Variants in ERG observed in about 807,000 individuals in gnomAD.
The protein encoded by ERG is transcriptional regulator ERG.
Under a neutral mutation model 55.3 loss-of-function variants are expected in ERG, and 9 were observed. The ratio of observed to expected loss-of-function variants is 0.16; its 90% CI spans 0.10 to 0.28. The LOEUF (loss-of-function observed/expected upper bound fraction) is 0.28, where lower values mean the gene tolerates loss of function less well. Among genes scored for constraint, ERG ranks in the 10% least tolerant of loss-of-function variants. The pLI is 1.00. For missense variants in ERG, 434 were observed against 631.6 expected (o/e 0.69, Z 3.35); for synonymous variants, 223 against 237.3 (o/e 0.94, Z 0.55).
intron 1 of ERG, among the ~76,000 whole-genome samples, chr21:38,637,922 A>G (rs2060400171): frequency 3.9e-5 from 6 of 152,196 alleles, no homozygotes; most frequent in Admixed American, 3.9e-4. Flanking sequence ...AGATAATAAA[A>G]GTAAGAAATC....
intron 1 of ERG, among the ~76,000 whole-genome samples, chr21:38,594,005 G>T (rs2060116655): frequency 6.6e-6 from 1 of 151,962 alleles, no homozygotes; most frequent in Non-Finnish European, 1.5e-5. Context: ...ATATCACATT[G>T]TTGACAAAAA....
intron 1 of ERG, among the ~76,000 whole-genome samples, chr21:38,651,209 G>T (rs6517474): frequency 6.6e-6 from 1 of 152,022 alleles, no homozygotes; most frequent in Non-Finnish European, 1.5e-5. Context: ...TGTAAAAACT[G>T]CAGATCTAGT....
chr21:38,486,210 G>A, intron 1 of ERG, among the ~76,000 whole-genome samples: 1 of 152,126 alleles, frequency 6.6e-6, no homozygotes, highest in East Asian at 1.9e-4. Flanking sequence ...TGGGATTACA[G>A]GTGTGAGCCA....
intron 1 of ERG, among the ~76,000 whole-genome samples, chr21:38,640,667 C>T (rs1188315955): frequency 6.6e-6 from 1 of 152,190 alleles, no homozygotes; most frequent in African/African-American, 2.4e-5. Flanking sequence ...GAGGCCTCCC[C>T]AGCCACGTGG....
intron 2 of ERG, among the ~76,000 whole-genome samples, chr21:38,532,201 A>G (rs2059677210): frequency 6.6e-6 from 1 of 152,210 alleles, no homozygotes; most frequent in African/African-American, 2.4e-5. Context: ...ACAACCAATA[A>G]TAATTGGGCA....
At chr21:38,645,838 G>A (rs1452991422) in intron 1 of ERG, among the ~76,000 whole-genome samples, 1 of 152,126 alleles carries the variant, frequency 6.6e-6, no homozygotes, top group African/African-American at 2.4e-5. Context: ...CTGTATAGCC[G>A]ACTTGTTGAT....
intron 2 of ERG, among the ~76,000 whole-genome samples, chr21:38,437,186 G>A (rs76153520): frequency 0.012 from 1,778 of 152,210 alleles, 40 homozygotes; most frequent in African/African-American, 0.041. Flanking sequence ...ACCTGCACCC[G>A]GCCAGCTTCA....
upstream of ERG, among the ~76,000 whole-genome samples, chr21:38,502,875 C>T (rs1472440769): frequency 9.3e-5 from 3 of 32,296 alleles, no homozygotes; most frequent in African/African-American, 6.9e-4. Flanking sequence ...TACAGGTGCC[C>T]GCCACCACCC....
rs369228332 is a variant in ERG at position 38,422,766 on chromosome 21, A to G, written c.388+644T>C. ...GGTAAAGAGTTACTCTGGTTATTAG[A>G]ATCTGTATTACAGGCCAGTGATAGC... On this transcript the variant is annotated intron_variant, in intron 3 of 9. Coordinates refer to ENST00000288319, the MANE Select transcript of ERG (RefSeq NM_182918.4). 9.2e-5 allele frequency among the ~76,000 whole-genome samples: 14 copies of G among 152,308 alleles called. No individual in the cohort carries two copies. The East Asian group carries it at 2.1e-3, about 23-fold the overall frequency.
At chr21:38,447,012 T>A (rs1209028153) in intron 1 of ERG, among the ~76,000 whole-genome samples, 1 of 151,956 alleles carries the variant, frequency 6.6e-6, no homozygotes, top group African/African-American at 2.4e-5. Context: ...GTGCTTCCCA[T>A]CAGTAATCAC....
intron 1 of ERG, among the ~76,000 whole-genome samples, chr21:38,605,586 C>T (rs1300264405): frequency 6.6e-6 from 1 of 152,142 alleles, no homozygotes; most frequent in Non-Finnish European, 1.5e-5. Flanking sequence ...CTAGCTGAAT[C>T]CACAGGAACC....
chr21:38,427,974 C>T (rs573324254), intron 2 of ERG, among the ~76,000 whole-genome samples: 1 of 152,126 alleles, frequency 6.6e-6, no homozygotes, highest in African/African-American at 2.4e-5. Flanking sequence ...ATTGTTTTAG[C>T]TCAGGAGTTC....
chr21:38,549,528 C>A (rs1039845693), intron 2 of ERG, among the ~76,000 whole-genome samples: 3 of 152,182 alleles, frequency 2.0e-5, no homozygotes, highest in Non-Finnish European at 2.9e-5. Flanking sequence ...CAGTAATGCA[C>A]AATGTCCTGA....
chr21:38,524,608 T>C (rs527411236), intron 2 of ERG, among the ~76,000 whole-genome samples: 33 of 152,308 alleles, frequency 2.2e-4, no homozygotes, highest in African/African-American at 7.0e-4. Flanking sequence ...ATTGCATGTT[T>C]AAAATATAAT....
At chr21:38,451,526 G>A (rs1268937831) in intron 1 of ERG, among the ~76,000 whole-genome samples, 1 of 152,138 alleles carries the variant, frequency 6.6e-6, no homozygotes, top group African/African-American at 2.4e-5. Context: ...TGCCACTTTG[G>A]GCGGCCTTTA....
intron 1 of ERG, among the ~76,000 whole-genome samples, chr21:38,638,581 A>G (rs463780): frequency 0.029 from 4,451 of 152,334 alleles, 226 homozygotes; most frequent in East Asian, 0.24. Flanking sequence ...GATGTTTGCA[A>G]AATTTGGAAG....
At chr21:38,654,463 C>G (rs1430521502) in intron 1 of ERG, among the ~76,000 whole-genome samples, 1 of 152,226 alleles carries the variant, frequency 6.6e-6, no homozygotes, top group Non-Finnish European at 1.5e-5. Context: ...CAGAGCAAGG[C>G]TCCATCTCTA....
At chr21:38,449,852 A>T (rs2058924807) in intron 1 of ERG, among the ~76,000 whole-genome samples, 1 of 152,204 alleles carries the variant, frequency 6.6e-6, no homozygotes, top group African/African-American at 2.4e-5. Flanking sequence ...AAGTGTTGAA[A>T]CTGAGAAAAT....
intron 1 of ERG, among the ~76,000 whole-genome samples, chr21:38,617,759 C>T (rs1198609300): frequency 6.6e-6 from 1 of 152,192 alleles, no homozygotes; most frequent in Non-Finnish European, 1.5e-5. Context: ...TCTGTACCAT[C>T]CCCATCCCAT....
Sources: allele counts gnomAD v4.1 joint callset (sites outside exome capture counted in the v4.1 genomes callset), GRCh38; gene constraint gnomAD v4.1.1; transcripts MANE v1.5; gene names NCBI Gene and HGNC (gene_info 2026-07-23, HGNC 2026-07-21).